CASTOR2: variants seen among roughly 807,000 people sequenced by gnomAD.
The protein encoded by CASTOR2 is GATS protein like 2.
Under a neutral mutation model 31.2 loss-of-function variants are expected in CASTOR2, and 8 were observed. The ratio of observed to expected loss-of-function variants is 0.26; its 90% CI spans 0.15 to 0.46. The LOEUF is 0.46. Ranked by LOEUF, CASTOR2 falls within the 20% of genes least tolerant of loss-of-function variation. The probability of loss-of-function intolerance (pLI) is 0.99; values close to 1 mark genes in which losing one functional copy is unlikely to be tolerated. For synonymous variants in CASTOR2, 162 were observed against 158.7 expected, an observed-to-expected ratio of 1.02 and a Z score of -0.16; for missense variants, 216 against 382.1, an observed-to-expected ratio of 0.57 and a Z score of 3.62.
In CASTOR2 at chr7:75,030,364, G is replaced by T. The variant is rs1805267713; in HGVS notation, c.*5665G>T. On this transcript the variant is annotated 3_prime_UTR_variant, in exon 9 of 9. Transcript: ENST00000616305. The stretch of plus-strand genomic sequence containing the variant: ...GTCTTGTTGTCAGGCCTTGAGTGCA[G>T]AAATGATTAGGTGAGTGAGGGCAGG... 6.6e-6 allele frequency among the ~76,000 whole-genome samples: 1 copy of T among 152,222 alleles called. No homozygotes were observed. The highest frequency in any genetic ancestry group is 2.1e-4 in the South Asian group (1 of 4,834).
At chr7:75,011,865 G>A (rs1804757415) in intron 2 of CASTOR2, among the ~76,000 whole-genome samples, 1 of 151,816 alleles carries the variant, frequency 6.6e-6, no homozygotes, top group Non-Finnish European at 1.5e-5. Context: ...TACTCGGGAG[G>A]CCAAGGCAGG....
At position 75,003,016 on chromosome 7, in the gene CASTOR2, C is replaced by T. The variant is rs1804531297; in HGVS notation, c.114-4978C>T. 2.0e-5 allele frequency among the ~76,000 whole-genome samples: 3 copies of T among 152,238 alleles called. No individual in the cohort carries two copies. The South Asian group carries it at 6.2e-4, about 32-fold the overall frequency. On this transcript the variant is annotated intron_variant, in intron 1 of 8. Transcript: ENST00000616305. ...GGATGGCCTGCAAGGGGGTGCTGTG[C>T]TTGGACTGGGGAATGGCCAACTGCC...
chr7:75,024,891 G>T lies in CASTOR2; in HGVS notation c.*192G>T, dbSNP rs1584479615. On this transcript the variant is annotated 3_prime_UTR_variant, in exon 9 of 9. Transcript: ENST00000616305. ...CGCCAAGGCCTCTCCATGCCCTCCT[G>T]CCTTCCCGGAGCCCCCCGACCCTCC... The T allele has an allele frequency of 7.2e-7, 1 of 1,380,168 alleles. No individual in the cohort carries two copies. 85.5% of individuals were successfully genotyped at this position (1,380,168 alleles called of 1,614,324 possible).
intron 6 of CASTOR2, among the ~76,000 whole-genome samples, chr7:75,021,123 C>G (rs1804991563): frequency 6.6e-6 from 1 of 152,164 alleles, no homozygotes; most frequent in Non-Finnish European, 1.5e-5. Context: ...TCCCGAGTAG[C>G]TGGAACTACA....
chr7:75,008,260 C>T (rs2131945105), intron 2 of CASTOR2, among the ~76,000 whole-genome samples, 196 bp downstream of exon 2: 2 of 139,240 alleles, frequency 1.4e-5, no homozygotes, highest in South Asian at 4.2e-4. Context: ...CTGGAGGGTC[C>T]CCTCCCTGGG....
intron 5 of CASTOR2, among the ~76,000 whole-genome samples, chr7:75,019,743 C>T (rs1396908959): frequency 2.6e-5 from 4 of 152,308 alleles, no homozygotes; most frequent in Admixed American, 1.3e-4. Flanking sequence ...CGAGGTGGGG[C>T]GGGGCAGGGT....
At chr7:74,995,324 C>T (rs1554437806) in intron 1 of CASTOR2, among the ~76,000 whole-genome samples, 1 of 151,680 alleles carries the variant, frequency 6.6e-6, no homozygotes, top group Admixed American at 6.6e-5. Flanking sequence ...AGGAGTTTGC[C>T]AGGGTGCTGT....
rs1803541051 is a variant in CASTOR2, at chr7:74,964,740, TCCGCCG to T, written c.-244_-239del. On this transcript the variant is annotated 5_prime_UTR_variant, in exon 1 of 9. Coordinates refer to ENST00000616305, the MANE Select transcript of CASTOR2 (RefSeq NM_001145064.3). ...CGCGCCGGGCGCCGCGCGCCGCTGC[TCCGCCG>T]CTCGGCCCCTCGGCTGCTGCTCCGC... The T allele has an allele frequency of 1.1e-5, 1 of 92,144 alleles. No homozygotes were observed. The highest frequency in any genetic ancestry group is 2.1e-5 in the Non-Finnish European group (1 of 46,972). 5.7% of individuals were successfully genotyped at this position (92,144 alleles called of 1,614,324 possible).
In CASTOR2 at chr7:75,018,963, C is replaced by G; in HGVS notation, c.512-9C>G. 6 of 1,551,912 alleles carry G rather than the reference C, an allele frequency of 3.9e-6. No homozygotes were observed. Among genetic ancestry groups the G allele is most frequent in the Non-Finnish European group, 5.2e-6 (6 of 1,146,990 alleles). ...AGCCTCAGTGCCTGACATCTTTGTGCTCTTACAGTCCAGAGGCCAGTCATC... is the reference window on the plus strand; with the variant it reads ...AGCCTCAGTGCCTGACATCTTTGTGGTCTTACAGTCCAGAGGCCAGTCATC... On this transcript the variant is annotated splice_polypyrimidine_tract_variant and intron_variant, in intron 4 of 8. Transcript: ENST00000616305.
chr7:74,992,172 G>T (rs1232994458), intron 1 of CASTOR2, among the ~76,000 whole-genome samples: 1 of 152,126 alleles, frequency 6.6e-6, no homozygotes, highest in Non-Finnish European at 1.5e-5. Flanking sequence ...TGCTGGAGGT[G>T]AAAGGTCTTC....
chr7:75,020,267 G>A, intron 6 of CASTOR2, 118 bp downstream of exon 6: 3 of 1,031,702 alleles, frequency 2.9e-6, no homozygotes, highest in Non-Finnish European at 4.4e-6. Flanking sequence ...TTTTGATACG[G>A]GGTCTCGCTC....
chr7:75,019,015 G>A lies in CASTOR2; in HGVS notation c.555G>A (p.Arg185=), dbSNP rs1448998183. ...VIHPLSSPSN[R]FCVTSLDPDT... is the part of the protein sequence containing the mutation. Reference sequence around the variant, plus strand: ...ACCCACTGTCCAGCCCGAGCAACAGGTTCTGTGTCACCAGCCTGGACCCTG... The same window carrying A: ...ACCCACTGTCCAGCCCGAGCAACAGATTCTGTGTCACCAGCCTGGACCCTG... The change falls in exon 5 of 9, where the codon AGG becomes AGA. Residue 185 remains arginine, a synonymous_variant. Transcript: ENST00000616305. The A allele has an allele frequency of 6.4e-7, 1 of 1,551,958 alleles. No homozygotes were observed. The highest frequency in any genetic ancestry group is 1.4e-5 in the African/African-American group (1 of 73,154).
At chr7:74,995,448 T>A (rs1804319286) in intron 1 of CASTOR2, among the ~76,000 whole-genome samples, 1 of 139,456 alleles carries the variant, frequency 7.2e-6, no homozygotes, top group Non-Finnish European at 1.5e-5. Flanking sequence ...GGAAGATGTC[T>A]TGAGGCCAGG....
rs1048734995 is a variant in CASTOR2 at position 75,023,031 on chromosome 7, G to A, written c.829+1075G>A. ...CTTTTCCATCCTGGGAAGAAGCACCGGGCAAGGTGGCTTACGCCTGTAATC... is the reference window on the plus strand; with the variant it reads ...CTTTTCCATCCTGGGAAGAAGCACCAGGCAAGGTGGCTTACGCCTGTAATC... On this transcript the variant is annotated intron_variant, in intron 7 of 8. Transcript: ENST00000616305. 5.3e-5 allele frequency among the ~76,000 whole-genome samples: 8 copies of A among 152,190 alleles called. No individual in the cohort carries two copies. In the East Asian group the frequency reaches 7.8e-4, roughly 15 times the overall value.
intron 4 of CASTOR2, 82 bp downstream of exon 4, chr7:75,018,204 C>T (rs71558569): frequency 0.12 from 187,403 of 1,559,290 alleles, 12,168 homozygotes; most frequent in Middle Eastern, 0.24. Flanking sequence ...ACTCTCAGCA[C>T]GGGCTTCTGC....
chr7:75,013,000 C>G (rs1360862193), intron 2 of CASTOR2, among the ~76,000 whole-genome samples: 2 of 152,214 alleles, frequency 1.3e-5, no homozygotes, highest in Admixed American at 1.3e-4. Context: ...GTTGCCTATG[C>G]TGGTCTGGAA....
chr7:75,020,260 T>C, intron 6 of CASTOR2, 111 bp downstream of exon 6: 2 of 1,086,898 alleles, frequency 1.8e-6, no homozygotes, highest in Non-Finnish European at 2.7e-6. Flanking sequence ...TGTTTTTTTT[T>C]GATACGGGGT....
At position 75,027,436 on chromosome 7, in the gene CASTOR2, G is replaced by C. The variant is rs1805167877; in HGVS notation, c.*2737G>C. The stretch of plus-strand genomic sequence containing the variant: ...GCCAGCAGCCTCACCCTGAAGACCT[G>C]GGCCTGCTGAATGGGCCACACGCTG... On this transcript the variant is annotated 3_prime_UTR_variant, in exon 9 of 9. Coordinates refer to ENST00000616305, the MANE Select transcript of CASTOR2 (RefSeq NM_001145064.3). The C allele has an allele frequency of 6.5e-6, 1 of 153,966 alleles. No individual in the cohort carries two copies. The highest frequency in any genetic ancestry group is 1.5e-5 in the Non-Finnish European group (1 of 68,888). The allele number at this position is 153,966 out of a possible 1,614,324, so 9.5% of individuals were successfully genotyped here. A position where few individuals can be genotyped will look rare whatever the true frequency, so the allele number is the denominator to read the frequency against.
At chr7:74,987,336 T>C (rs1298312458) in intron 1 of CASTOR2, among the ~76,000 whole-genome samples, 1 of 147,232 alleles carries the variant, frequency 6.8e-6, no homozygotes, top group East Asian at 2.0e-4. Context: ...ACCTGGGAAG[T>C]GGAGGTTGCA....
Sources: allele counts gnomAD v4.1 joint callset (sites outside exome capture counted in the v4.1 genomes callset), GRCh38; gene constraint gnomAD v4.1.1; transcripts MANE v1.5; gene names NCBI Gene and HGNC (gene_info 2026-07-23, HGNC 2026-07-21).